Variants in SNX11 observed in about 807,000 individuals in gnomAD.
SNX11 encodes the protein sorting nexin 11.
A neutral mutation model predicts 30.7 loss-of-function variants in SNX11; 19 were observed. The observed-to-expected ratio is 0.62, with a 90% CI of 0.43 to 0.91. The LOEUF is 0.91. Among genes scored for constraint, SNX11 ranks in the 40% least tolerant of loss-of-function variants. The probability of loss-of-function intolerance (pLI) is 0.00; values close to 1 mark genes in which losing one functional copy is unlikely to be tolerated. For missense variants in SNX11, 302 were observed against 326.7 expected, an observed-to-expected ratio of 0.92 and a Z score of 0.58; for synonymous variants, 112 against 119.0, an observed-to-expected ratio of 0.94 and a Z score of 0.38.
At position 48,121,416 on chromosome 17, in the gene SNX11, A is replaced by ACCT; in HGVS notation, c.724_726dup (p.Ser242dup). The ACCT allele has an allele frequency of 6.2e-7, 1 of 1,613,992 alleles. No homozygotes were observed. Among genetic ancestry groups the ACCT allele is most frequent in the South Asian group, 1.1e-5 (1 of 91,066 alleles). ...TGATTTTGGAAGACCCAAAGAGGGA[A>ACCT]CCTCCACTCTTCAGTCTGTGAGGAG... On this transcript the variant is annotated inframe_insertion, in exon 7 of 7. Coordinates refer to ENST00000359238, the MANE Select transcript of SNX11 (RefSeq NM_013323.3).
intron 4 of SNX11, among the ~76,000 whole-genome samples, chr17:48,117,910 G>A (rs571099096): frequency 3.9e-5 from 6 of 152,306 alleles, no homozygotes; most frequent in African/African-American, 1.4e-4. Flanking sequence ...GTTATTCTGG[G>A]AGGCTGATGC....
At chr17:48,120,259 T>G (rs1439714980) in intron 6 of SNX11, among the ~76,000 whole-genome samples, 2 of 140,086 alleles carry the variant, frequency 1.4e-5, no homozygotes, top group Non-Finnish European at 3.0e-5. Flanking sequence ...CAGGCTGGAA[T>G]GCAGTGGCAT....
intron 4 of SNX11, among the ~76,000 whole-genome samples, chr17:48,113,973 A>T (rs2063517405): frequency 1.3e-5 from 2 of 151,340 alleles, no homozygotes; most frequent in African/African-American, 4.9e-5. Context: ...TCTCTGCCTC[A>T]GCCTCCCAAG....
rs780858797 is a variant in SNX11 at position 48,123,224 on chromosome 17, T to C, written c.*1716T>C. 1.1e-4 allele frequency: 16 copies of C among 152,312 alleles called. No homozygotes were observed. The highest frequency in any genetic ancestry group is 2.1e-4 in the South Asian group (1 of 4,828). 9.4% of individuals were successfully genotyped at this position (152,312 alleles called of 1,614,324 possible). On this transcript the variant is annotated 3_prime_UTR_variant, in exon 7 of 7. Transcript: ENST00000359238. ...CATTTAAAAGGGGAAAAAAACTCCATGTGCAACCCTCACAAAAACCCGACA... is the reference window on the plus strand; with the variant it reads ...CATTTAAAAGGGGAAAAAAACTCCACGTGCAACCCTCACAAAAACCCGACA...
chr17:48,110,705 C>T (rs1160991856), intron 1 of SNX11: 1 of 152,576 alleles, frequency 6.6e-6, no homozygotes, highest in Non-Finnish European at 1.5e-5. Context: ...CTTGTTTTCC[C>T]AGGAGCCAGC....
intron 6 of SNX11, among the ~76,000 whole-genome samples, chr17:48,120,759 C>G (rs904910789): frequency 6.7e-6 from 1 of 150,012 alleles, no homozygotes; most frequent in Non-Finnish European, 1.5e-5. Flanking sequence ...ATCTGCCCAC[C>G]TCGGTCTCCC....
chr17:48,109,179 C>T (rs1280216597), intron 1 of SNX11, among the ~76,000 whole-genome samples: 4 of 151,494 alleles, frequency 2.6e-5, no homozygotes, highest in African/African-American at 7.3e-5. Context: ...GTGTTCTGCC[C>T]GCCTCAGCTT....
At chr17:48,108,982 G>A (rs1295208752) in intron 1 of SNX11, among the ~76,000 whole-genome samples, 1 of 152,190 alleles carries the variant, frequency 6.6e-6, no homozygotes, top group Non-Finnish European at 1.5e-5. Context: ...GCCCAGGCTG[G>A]AGTGCAGTGG....
intron 6 of SNX11, among the ~76,000 whole-genome samples, chr17:48,119,745 A>G (rs913149532): frequency 2.6e-5 from 3 of 114,448 alleles, no homozygotes; most frequent in Non-Finnish European, 6.0e-5. Context: ...AGCCTGGCCT[A>G]ATAGCTTTAT....
rs1555583288 is a variant in SNX11, at chr17:48,112,744, T to TTC, written c.129+85_129+86insCT. The TTC allele has an allele frequency of 5.7e-3, 4,531 of 793,650 alleles. 4 individuals carry two copies. Among genetic ancestry groups the TTC allele is most frequent in the Non-Finnish European group, 7.1e-3 (3,576 of 501,650 alleles). The allele number at this position is 793,650 out of a possible 1,614,324, so 49.2% of individuals were successfully genotyped here. A position where few individuals can be genotyped will look rare whatever the true frequency, so the allele number is the denominator to read the frequency against. On this transcript the variant is annotated intron_variant, in intron 3 of 6. Transcript: ENST00000359238. ...CTGAGGTGTAACCTTTTTTTTTTTT[T>TTC]TTTGAGATGGAGTTTTGCTCTTGTT...
intron 4 of SNX11, among the ~76,000 whole-genome samples, chr17:48,114,738 C>T (rs2063527422): frequency 7.4e-6 from 1 of 135,024 alleles, no homozygotes. Context: ...GGCTGGAGTG[C>T]AGTGACACCC....
intron 4 of SNX11, among the ~76,000 whole-genome samples, chr17:48,116,243 C>T (rs1030720646): frequency 2.0e-5 from 3 of 152,038 alleles, no homozygotes; most frequent in Admixed American, 1.3e-4. Flanking sequence ...GGTGACAGAG[C>T]GAGACTGTCT....
rs921823720 is a variant in SNX11 at position 48,122,016 on chromosome 17, C to T, written c.*508C>T. The T allele has an allele frequency of 1.3e-5, 2 of 156,390 alleles. No individual in the cohort carries two copies. The highest frequency in any genetic ancestry group is 4.8e-5 in the African/African-American group (2 of 41,470). The allele number at this position is 156,390 out of a possible 1,614,324, so 9.7% of individuals were successfully genotyped here. On this transcript the variant is annotated 3_prime_UTR_variant, in exon 7 of 7. Transcript: ENST00000359238. ...GGACAGGGGGATGAATATTTACTTT[C>T]CCACCTCCTTGCTTTTTCTTTCACT... is the stretch of plus-strand genomic sequence containing the variant.
In SNX11 at chr17:48,113,328, A is replaced by T; in HGVS notation, c.157A>T (p.Thr53Ser). The change falls in exon 4 of 7, where the codon ACT becomes TCT. Residue 53 changes from threonine to serine, a missense_variant. Physicochemically the swap from Thr to Ser is moderately conservative, Grantham distance 58. Transcript: ENST00000359238. ...CAACAGCAAAGCCTTTACTGCCAAG[A>T]CTTCCTGTGTGCGGCGCCGCTACCG... ...HTNSKAFTAK[T>S]SCVRRRYREF... 1 of 1,613,588 alleles carries T rather than the reference A, an allele frequency of 6.2e-7. No individual in the cohort carries two copies. Among genetic ancestry groups the T allele is most frequent in the Non-Finnish European group, 8.5e-7 (1 of 1,179,728 alleles).
intron 1 of SNX11, 60 bp from the exon 2 acceptor site, chr17:48,111,971 A>G (rs2063496710): frequency 2.2e-6 from 3 of 1,390,936 alleles, no homozygotes; most frequent in Non-Finnish European, 3.1e-6. Context: ...TTTCCCTGGT[A>G]AAGAATGATA....
intron 2 of SNX11, 188 bp from the exon 3 acceptor site, chr17:48,112,386 C>G: frequency 1.5e-6 from 1 of 656,788 alleles, no homozygotes; most frequent in South Asian, 1.8e-5. Context: ...GTGTCTGACA[C>G]GTAGTGGGGC....
chr17:48,114,201 CTT>C (rs2063520565), intron 4 of SNX11, among the ~76,000 whole-genome samples: 1 of 138,500 alleles, frequency 7.2e-6, no homozygotes, highest in Non-Finnish European at 1.5e-5. Flanking sequence ...GAGTTTTGCT[CTT>C]GTTGCCTGGG....
chr17:48,116,349 TG>T (rs1224824188), intron 4 of SNX11, among the ~76,000 whole-genome samples: 2 of 152,162 alleles, frequency 1.3e-5, no homozygotes, highest in African/African-American at 2.4e-5. Context: ...CCCAAGTAGC[TG>T]GGACTACAGG....
Position 48,121,420 on chromosome 17 carries a change from C to T in SNX11, c.725C>T (p.Ser242Phe). Residue 242 changes from serine (S) to phenylalanine (F), a missense_variant, in exon 7 of 7, where the codon TCC (serine) becomes TTC (phenylalanine). Coordinates refer to ENST00000359238, the MANE Select transcript of SNX11 (RefSeq NM_013323.3). The part of the protein sequence containing the change: ...CDFGRPKEGT[S>F]TLQSVRRAVG... The stretch of plus-strand genomic sequence containing the variant: ...TTTGGAAGACCCAAAGAGGGAACCT[C>T]CACTCTTCAGTCTGTGAGGAGGGCT... 6.2e-7 allele frequency: 1 copy of T among 1,614,142 alleles called. No homozygotes were observed. The highest frequency in any genetic ancestry group is 1.1e-5 in the South Asian group (1 of 91,084).
Sources: allele counts gnomAD v4.1 joint callset (sites outside exome capture counted in the v4.1 genomes callset), GRCh38; gene constraint gnomAD v4.1.1; transcripts MANE v1.5; gene names NCBI Gene and HGNC (gene_info 2026-07-23, HGNC 2026-07-21).